KCNJ5: variants seen among roughly 807,000 people sequenced by gnomAD.
KCNJ5 encodes the protein G protein-activated inward rectifier potassium channel 4.
In KCNJ5, 12 loss-of-function variants were observed where a neutral mutation model predicts 20.2. The ratio of observed to expected loss-of-function variants is 0.59; its 90% CI spans 0.38 to 0.96. KCNJ5 has a LOEUF of 0.96. Ranked by LOEUF, KCNJ5 falls within the 40% of genes least tolerant of loss-of-function variation. The pLI, the probability that KCNJ5 is intolerant of heterozygous loss-of-function variation, is 0.00. For synonymous variants in KCNJ5, 210 were observed against 213.9 expected (o/e 0.98, Z 0.16); for missense variants, 449 against 557.6 (o/e 0.81, Z 1.96).
intron 1 of KCNJ5, chr11:128,900,676 C>T (rs1167832196): frequency 6.6e-6 from 1 of 152,214 alleles, no homozygotes; most frequent in Non-Finnish European, 1.5e-5. Flanking sequence ...TAAAACTTCA[C>T]AGTCGGTGTT....
At chr11:128,908,916 A>G (rs998927938) in intron 1 of KCNJ5, among the ~76,000 whole-genome samples, 2 of 152,148 alleles carry the variant, frequency 1.3e-5, no homozygotes, top group Non-Finnish European at 2.9e-5. Flanking sequence ...AGTTTTCAGG[A>G]TGAAGTCTCC....
rs1944604987 is a variant in KCNJ5 at position 128,917,602 on chromosome 11, GTTTTGTTTTGTTTT to G, written c.*872_*885del. On this transcript the variant is annotated 3_prime_UTR_variant, in exon 3 of 3. Coordinates refer to ENST00000529694, the MANE Select transcript of KCNJ5 (RefSeq NM_000890.5). ...CACAGTAGTTTTTGTGTTTTGTTTT[GTTTTGTTTTGTTTT>G]GTTTTGTTTTGTTTTGTTTTTTTCA... 1 of 148,996 alleles carries G rather than the reference GTTTTGTTTTGTTTT, an allele frequency of 6.7e-6. No individual in the cohort carries two copies. 9.2% of individuals were successfully genotyped at this position (148,996 alleles called of 1,614,324 possible).
chr11:128,912,614 G>A (rs1428558576), intron 2 of KCNJ5, among the ~76,000 whole-genome samples: 5 of 152,218 alleles, frequency 3.3e-5, no homozygotes, highest in Non-Finnish European at 4.4e-5. Context: ...GGATTCAAGC[G>A]ATTCTCCTGC....
At chr11:128,904,505 T>G in intron 1 of KCNJ5, 1 of 1,562,044 alleles carries the variant, frequency 6.4e-7, no homozygotes, top group Non-Finnish European at 8.8e-7. Context: ...GATGGCAGCG[T>G]GCGTCCAGGG....
chr11:128,907,082 C>A (rs1944430031), intron 1 of KCNJ5, among the ~76,000 whole-genome samples: 1 of 152,160 alleles, frequency 6.6e-6, no homozygotes. Flanking sequence ...CATATATATT[C>A]CCACAGAAGA....
chr11:128,913,767 G>A (rs1007031990), intron 2 of KCNJ5, among the ~76,000 whole-genome samples: 1 of 152,174 alleles, frequency 6.6e-6, no homozygotes, highest in African/African-American at 2.4e-5. Context: ...TGTAGACAGT[G>A]AGTGTTCATA....
intron 1 of KCNJ5, chr11:128,903,428 T>C: frequency 6.2e-7 from 1 of 1,614,150 alleles, no homozygotes; most frequent in Non-Finnish European, 8.5e-7. Context: ...CAGGTTCTGG[T>C]TACTATGGCA....
At position 128,911,808 on chromosome 11, in the gene KCNJ5, A is replaced by G. The variant is rs1944506450; in HGVS notation, c.535A>G (p.Asn179Asp). The G allele has an allele frequency of 6.2e-7, 1 of 1,614,036 alleles. No individual in the cohort carries two copies. The highest frequency in any genetic ancestry group is 8.5e-7 in the Non-Finnish European group (1 of 1,180,052). The change falls in exon 2 of 3, where the codon AAT becomes GAT. Residue 179 changes from asparagine (N) to aspartate (D), a missense_variant. Physicochemically the swap from Asn to Asp is conservative, Grantham distance 23. Around this residue, in one of 5 missense-constraint regions of KCNJ5, gnomAD observed 203 missense variants for 258.0 expected, o/e 0.79. Coordinates refer to ENST00000529694, the MANE Select transcript of KCNJ5 (RefSeq NM_000890.5). This position sits in a 1 kb window ranked among gnomAD's most constrained non-coding sequence, Gnocchi z 6.3. The stretch of plus-strand genomic sequence containing the variant: ...CCAGGCCATCCTGGGCTCCATCGTC[A>G]ATGCCTTCATGGTGGGGTGCATGTT... ...LVQAILGSIVNAFMVGCMFVK... is the reference protein window; with the variant it reads ...LVQAILGSIVDAFMVGCMFVK...
intron 1 of KCNJ5, among the ~76,000 whole-genome samples, chr11:128,906,967 T>G (rs1054153894): frequency 4.6e-5 from 7 of 152,158 alleles, no homozygotes; most frequent in Non-Finnish European, 8.8e-5. Flanking sequence ...GGTGTTACAT[T>G]CAAGTGTAAC....
At chr11:128,895,387 C>G (rs71471483) in intron 1 of KCNJ5, among the ~76,000 whole-genome samples, 24,937 of 150,300 alleles carry the variant, frequency 0.17, 2,496 homozygotes, top group Non-Finnish European at 0.23. Context: ...CCCCCACCCC[C>G]CCCCCAACCC....
chr11:128,897,259 G>A (rs1171040479), intron 1 of KCNJ5, among the ~76,000 whole-genome samples: 1 of 151,900 alleles, frequency 6.6e-6, no homozygotes, highest in Non-Finnish European at 1.5e-5. Context: ...CACCATGCCT[G>A]GCTAATTTTT....
At chr11:128,903,897 TC>T (rs111594173) in intron 1 of KCNJ5, among the ~76,000 whole-genome samples, 6,106 of 151,358 alleles carry the variant, frequency 0.04, 279 homozygotes, top group African/African-American at 0.1. Flanking sequence ...TCCCTGGTGC[TC>T]CCCCCGGGAC....
At chr11:128,912,292 G>T in intron 2 of KCNJ5, 82 bp downstream of exon 2, 5 of 1,142,202 alleles carry the variant, frequency 4.4e-6, no homozygotes, top group Non-Finnish European at 6.5e-6. Flanking sequence ...GAAGATGCAG[G>T]TCTGTGCCTG....
intron 2 of KCNJ5, among the ~76,000 whole-genome samples, chr11:128,915,476 C>G (rs1944563234): frequency 6.6e-6 from 1 of 152,226 alleles, no homozygotes. Context: ...CGTGTTCATT[C>G]ATGCTGAATT....
At chr11:128,894,993 C>T (rs1351109600) in intron 1 of KCNJ5, among the ~76,000 whole-genome samples, 1 of 151,866 alleles carries the variant, frequency 6.6e-6, no homozygotes, top group Non-Finnish European at 1.5e-5. Flanking sequence ...GGGCAAAGGT[C>T]ATGGATCATC....
intron 1 of KCNJ5, among the ~76,000 whole-genome samples, chr11:128,898,145 CCTTTT>C (rs1170272106): frequency 2.0e-5 from 3 of 152,080 alleles, no homozygotes; most frequent in Admixed American, 6.5e-5. Context: ...AGTTGCTTTC[CCTTTT>C]CACATAAGTT....
intron 1 of KCNJ5, among the ~76,000 whole-genome samples, 175 bp downstream of exon 1, chr11:128,891,896 G>C (rs1944097795): frequency 6.6e-6 from 1 of 152,206 alleles, no homozygotes; most frequent in Admixed American, 6.5e-5. Flanking sequence ...TAGGAAATTG[G>C]AGATCTCCGT....
At chr11:128,901,557 G>C (rs1944277425) in intron 1 of KCNJ5, 1 of 152,284 alleles carries the variant, frequency 6.6e-6, no homozygotes, top group African/African-American at 2.4e-5. Flanking sequence ...TAAAGAGCTT[G>C]CCCAGGTCAG....
rs572397243 is a variant in KCNJ5, at chr11:128,903,597, C to T, written c.-10-7667C>T. 2.6e-5 allele frequency: 38 copies of T among 1,467,474 alleles called. No individual in the cohort carries two copies. In the Admixed American group the frequency reaches 2.7e-4, roughly 10 times the overall value. The allele number at this position is 1,467,474 out of a possible 1,614,324, so 90.9% of individuals were successfully genotyped here. ...GTGGTCTTGTTTCTACTGCGGGGGC[C>T]GTTGTCCAAGCAGACCTTCAGAGAG... On this transcript the variant is annotated intron_variant, in intron 1 of 2. Transcript: ENST00000529694.
Sources: gnomAD v4.1 joint callset for allele counts (sites outside exome capture counted in the v4.1 genomes callset) on GRCh38, gnomAD v4.1.1 for gene constraint, gnomAD v4.1.1 regional missense constraint, Gnocchi (gnomAD v3.1) non-coding constraint, MANE v1.5 for transcripts, NCBI Gene and HGNC (gene_info 2026-07-23, HGNC 2026-07-21) for gene names.